Variants in ULK4 observed in about 807,000 individuals in gnomAD.
ULK4 encodes the protein unc-51 like kinase 4.
In ULK4, 133 loss-of-function variants were observed where a neutral mutation model predicts 160.6. The observed-to-expected ratio is 0.83, with a 90% CI of 0.72 to 0.96. The LOEUF is 0.96. Ranked by LOEUF, ULK4 falls within the 40% of genes least tolerant of loss-of-function variation. The pLI is 0.00. For missense variants in ULK4, 1,580 were observed against 1,499.5 expected, an observed-to-expected ratio of 1.05 and a Z score of -0.89; for synonymous variants, 534 against 539.8, an observed-to-expected ratio of 0.99 and a Z score of 0.15.
At chr3:41,691,246 G>A (rs897746253) in intron 27 of ULK4, among the ~76,000 whole-genome samples, 1 of 151,816 alleles carries the variant, frequency 6.6e-6, no homozygotes, top group Non-Finnish European at 1.5e-5. Context: ...AAGTTCTGGA[G>A]GCCCCTGCAC....
chr3:41,506,937 C>T (rs2055186), intron 32 of ULK4, among the ~76,000 whole-genome samples: 124,298 of 147,826 alleles, frequency 0.84, 53,545 homozygotes, highest in Non-Finnish European at 0.94. Flanking sequence ...AGGGGCAGCA[C>T]GACTCAAGAC....
At chr3:41,537,874 T>C (rs1575378694) in intron 32 of ULK4, among the ~76,000 whole-genome samples, 1 of 151,680 alleles carries the variant, frequency 6.6e-6, no homozygotes, top group African/African-American at 2.4e-5. Flanking sequence ...CTGCCTTAAA[T>C]GCTAGCACTC....
In ULK4 at chr3:41,567,443, ATTT is replaced by A. The variant is rs71288055; in HGVS notation, c.3121-1316_3121-1314del. Among the ~76,000 whole-genome samples, 17 of 90,296 alleles carry A rather than the reference ATTT, an allele frequency of 1.9e-4. No homozygotes were observed. The South Asian group carries it at 3.3e-3, about 17-fold the overall frequency. The allele number at this position is 90,296 out of a possible 152,430, so 59.2% of individuals were successfully genotyped here. A position where few individuals can be genotyped will look rare whatever the true frequency, so the allele number is the denominator to read the frequency against. On this transcript the variant is annotated intron_variant, in intron 31 of 36. Coordinates refer to ENST00000301831, the MANE Select transcript of ULK4 (RefSeq NM_017886.4). The stretch of plus-strand genomic sequence containing the variant: ...TCATTGAGAAGGTGTCACTTAACAG[ATTT>A]TTTTTTTTTTTTTTTTTTTTGAGAT...
intron 17 of ULK4, among the ~76,000 whole-genome samples, chr3:41,874,232 T>C (rs1697219344): frequency 1.3e-5 from 2 of 152,132 alleles, no homozygotes; most frequent in South Asian, 4.1e-4. Context: ...AGTGGTGCAA[T>C]CGTGCATCTT....
intron 30 of ULK4, among the ~76,000 whole-genome samples, chr3:41,660,424 G>C (rs1377272025): frequency 1.3e-5 from 2 of 152,268 alleles, no homozygotes; most frequent in East Asian, 1.9e-4. Flanking sequence ...AGAAAGAAAT[G>C]AGACTTCTCA....
chr3:41,409,986 CCAT>C (rs2082378917), intron 34 of ULK4, among the ~76,000 whole-genome samples: 5 of 151,802 alleles, frequency 3.3e-5, no homozygotes, highest in Admixed American at 1.3e-4. Flanking sequence ...ATTAAAACCA[CCAT>C]GAGATATCAG....
chr3:41,570,853 C>A (rs576107968), intron 31 of ULK4, among the ~76,000 whole-genome samples: 1 of 152,238 alleles, frequency 6.6e-6, no homozygotes, highest in Admixed American at 6.5e-5. Flanking sequence ...CCCAGAGTCA[C>A]TGAAGAATAA....
intron 25 of ULK4, among the ~76,000 whole-genome samples, chr3:41,707,863 T>C (rs927601531): frequency 2.0e-5 from 3 of 150,658 alleles, no homozygotes; most frequent in Non-Finnish European, 4.4e-5. Flanking sequence ...AAGGATTGAA[T>C]AGACATTACT....
chr3:41,415,427 A>G (rs940439348), intron 34 of ULK4, among the ~76,000 whole-genome samples: 1 of 151,956 alleles, frequency 6.6e-6, no homozygotes, highest in Non-Finnish European at 1.5e-5. Flanking sequence ...TGCCCCTACA[A>G]TCCATTTTCC....
In ULK4 at chr3:41,753,515, G is replaced by A. The variant is rs28595821; in HGVS notation, c.2321+846C>T. Among the ~76,000 whole-genome samples the A allele has an allele frequency of 7.7e-3, 1,174 of 152,260 alleles. 20 individuals are homozygous for A. Among genetic ancestry groups the A allele is most frequent in the African/African-American group, 0.026 (1,077 of 41,552 alleles). Reference sequence around the variant, plus strand: ...TGTTAATCAGAAAGCATCAGAACACGAAGCAAACTTGAGGAGCATCTAGAA... The same window carrying A: ...TGTTAATCAGAAAGCATCAGAACACAAAGCAAACTTGAGGAGCATCTAGAA... On this transcript the variant is annotated intron_variant, in intron 22 of 36. Coordinates refer to ENST00000301831, the MANE Select transcript of ULK4 (RefSeq NM_017886.4).
chr3:41,772,624 C>T (rs1303125043), intron 21 of ULK4, among the ~76,000 whole-genome samples: 6 of 152,086 alleles, frequency 3.9e-5, no homozygotes, highest in Non-Finnish European at 5.9e-5. Flanking sequence ...GATTCACAGC[C>T]GAATTCTACC....
At chr3:41,830,624 T>C (rs2041546564) in intron 18 of ULK4, among the ~76,000 whole-genome samples, 2 of 152,002 alleles carry the variant, frequency 1.3e-5, no homozygotes, top group African/African-American at 4.8e-5. Context: ...TGAAAAACTA[T>C]AGGACCAAAA....
chr3:41,882,092 A>G, intron 17 of ULK4: 1 of 665,300 alleles, frequency 1.5e-6, no homozygotes, highest in Non-Finnish European at 2.7e-6. Context: ...CAGCCCCTTG[A>G]CAATTCCTGC....
intron 21 of ULK4, among the ~76,000 whole-genome samples, chr3:41,786,809 T>C (rs1042198286): frequency 6.6e-6 from 1 of 152,028 alleles, no homozygotes; most frequent in Non-Finnish European, 1.5e-5. Context: ...CCCTGGACAA[T>C]ATATATAAAA....
At chr3:41,410,203 T>G (rs951700618) in intron 34 of ULK4, among the ~76,000 whole-genome samples, 1 of 152,182 alleles carries the variant, frequency 6.6e-6, no homozygotes. Flanking sequence ...AGAAAGTCTA[T>G]GTTTACATAA....
intron 32 of ULK4, among the ~76,000 whole-genome samples, chr3:41,478,973 G>C (rs551745198): frequency 7.9e-5 from 12 of 152,354 alleles, no homozygotes; most frequent in African/African-American, 2.6e-4. Context: ...CCAATGCCCA[G>C]GAAAGTGCTG....
rs879262368 is a variant in ULK4 at position 41,494,315 on chromosome 3, C to G, written c.3227-31062G>C. On this transcript the variant is annotated intron_variant, in intron 32 of 36. Transcript: ENST00000301831. ...AATGTAATCCAGCATATAAACAGAA[C>G]CAAAGACAAAAACCACATGATTATC... 1.6e-4 allele frequency among the ~76,000 whole-genome samples: 18 copies of G among 113,476 alleles called. 1 individual carries two copies. Among genetic ancestry groups the G allele is most frequent in the African/African-American group, 5.2e-4 (16 of 30,714 alleles). The allele number at this position is 113,476 out of a possible 152,430, so 74.4% of individuals were successfully genotyped here.
chr3:41,847,147 T>C (rs2042088792), intron 17 of ULK4, among the ~76,000 whole-genome samples: 2 of 152,206 alleles, frequency 1.3e-5, no homozygotes, highest in Admixed American at 1.3e-4. Flanking sequence ...TTTTTGGCTT[T>C]GTCTGAAGTC....
intron 32 of ULK4, among the ~76,000 whole-genome samples, chr3:41,558,120 T>C (rs1328605378): frequency 6.6e-6 from 1 of 152,196 alleles, no homozygotes; most frequent in Admixed American, 6.5e-5. Flanking sequence ...GAATTTCTCC[T>C]ATACATATTC....
Sources: gnomAD v4.1 joint callset for allele counts (sites outside exome capture counted in the v4.1 genomes callset) on GRCh38, gnomAD v4.1.1 for gene constraint, MANE v1.5 for transcripts, NCBI Gene and HGNC (gene_info 2026-07-23, HGNC 2026-07-21) for gene names.